Variants in SLAMF8 observed in about 807,000 individuals in gnomAD.
SLAMF8 encodes B lymphocyte activator macrophage expressed.
SLAMF8 carries 23 observed loss-of-function variants against 29.0 expected under a neutral mutation model. That is an observed-to-expected ratio of 0.79 (90% CI 0.57 to 1.13). The LOEUF is 1.13. SLAMF8 is among the 50% of genes most tolerant of loss of function. The pLI is 0.00. For missense variants in SLAMF8, 381 were observed against 353.1 expected (o/e 1.08, Z -0.63); for synonymous variants, 139 against 145.6 (o/e 0.96, Z 0.32).
At chr1:159,835,084 T>G in intron 4 of SLAMF8, 100 bp from the exon 5 acceptor site, 5 of 1,102,884 alleles carry the variant, frequency 4.5e-6, no homozygotes, top group Non-Finnish European at 5.3e-6. Context: ...TAAGGTGACC[T>G]TGGGCTAACA....
intron 1 of SLAMF8, 94 bp from the exon 2 acceptor site, chr1:159,829,772 G>A: frequency 2.1e-6 from 3 of 1,402,478 alleles, no homozygotes; most frequent in Admixed American, 4.6e-5. Context: ...TGTCAGTGGA[G>A]GGGCCCCAAT....
At position 159,833,054 on chromosome 1, in the gene SLAMF8, C is replaced by T. The variant is rs114760023; in HGVS notation, c.546C>T (p.Asp182=). Reference sequence around the variant, plus strand: ...TGGAACCACACAGCCTCTTCACAGACGGACAGGTGCTGAGCATTTCCCTGG... The same window carrying T: ...TGGAACCACACAGCCTCTTCACAGATGGACAGGTGCTGAGCATTTCCCTGG... The part of the protein sequence containing the change: ...FGMEPHSLFT[D]GQVLSISLGP... The change falls in exon 3 of 5, where the codon GAC becomes GAT. Residue 182 remains aspartate, a synonymous_variant. Transcript: ENST00000289707. 26 of 1,614,218 alleles carry T rather than the reference C, an allele frequency of 1.6e-5. No homozygotes were observed. Among genetic ancestry groups the T allele is most frequent in the Middle Eastern group, 1.6e-4 (1 of 6,062 alleles).
At chr1:159,828,739 A>G (rs538719512) in intron 1 of SLAMF8, among the ~76,000 whole-genome samples, 8 of 152,266 alleles carry the variant, frequency 5.3e-5, no homozygotes, top group Middle Eastern at 3.4e-3. Context: ...AGAACACAAG[A>G]GAGAATATGT....
chr1:159,832,876 A>T lies in SLAMF8; in HGVS notation c.368A>T (p.Asp123Val), dbSNP rs1351331529. ...TACCAGCTGTACTTTTCTTTCCCAGATGCAGTGCCCAGGCCCGTGGTACAA... is the reference window on the plus strand; with the variant it reads ...TACCAGCTGTACTTTTCTTTCCCAGTTGCAGTGCCCAGGCCCGTGGTACAA... The part of the protein sequence containing the change: ...WTQTLQLKVY[D>V]AVPRPVVQVF... The change falls in exon 3 of 5, where the codon GAT (aspartate) becomes GTT (valine). Residue 123 changes from aspartate to valine, a missense_variant and splice_region_variant. Transcript: ENST00000289707. The T allele has an allele frequency of 6.2e-7, 1 of 1,611,748 alleles. No individual in the cohort carries two copies. The highest frequency in any genetic ancestry group is 8.5e-7 in the Non-Finnish European group (1 of 1,178,000).
chr1:159,829,484 C>T (rs1466082125), intron 1 of SLAMF8, among the ~76,000 whole-genome samples: 1 of 152,212 alleles, frequency 6.6e-6, no homozygotes, highest in Non-Finnish European at 1.5e-5. Context: ...AGGCCGCCCT[C>T]GGCTTGGCCT....
intron 2 of SLAMF8, among the ~76,000 whole-genome samples, chr1:159,832,126 T>C (rs1048725009): frequency 6.6e-6 from 1 of 152,126 alleles, no homozygotes; most frequent in East Asian, 1.9e-4. Context: ...GACACCAGGA[T>C]ATCAGTTTGT....
Position 159,833,536 on chromosome 1 carries a change from C to T in SLAMF8, c.781+167C>T, listed in dbSNP as rs140878004. Among the ~76,000 whole-genome samples, 21 of 152,308 alleles carry T rather than the reference C, an allele frequency of 1.4e-4. No homozygotes were observed. In the South Asian group the frequency reaches 2.7e-3, roughly 20 times the overall value. ...TCATATCTTGGTTTACAACCAGACT[C>T]AACTACTTGAAGTCTCTTATGTGGT... On this transcript the variant is annotated intron_variant, in intron 4 of 4. Coordinates refer to ENST00000289707, the MANE Select transcript of SLAMF8 (RefSeq NM_020125.3).
At chr1:159,827,481 G>A (rs1663700603) in intron 1 of SLAMF8, among the ~76,000 whole-genome samples, 1 of 152,120 alleles carries the variant, frequency 6.6e-6, no homozygotes, top group South Asian at 2.1e-4. Flanking sequence ...GTGGCCGACG[G>A]TGGTGTGATG....
At chr1:159,830,346 A>T (rs1480475394) in intron 2 of SLAMF8, among the ~76,000 whole-genome samples, 154 bp downstream of exon 2, 1 of 152,184 alleles carries the variant, frequency 6.6e-6, no homozygotes, top group Non-Finnish European at 1.5e-5. Context: ...CCTGGCAGTC[A>T]CGTCTAAGAA....
chr1:159,833,124 C>G lies in SLAMF8; in HGVS notation c.616C>G (p.Pro206Ala), dbSNP rs926582049. Residue 206 changes from proline to alanine, a missense_variant, in exon 3 of 5, where the codon CCT (proline) becomes GCT (alanine). Coordinates refer to ENST00000289707, the MANE Select transcript of SLAMF8 (RefSeq NM_020125.3). Reference protein sequence around the residue: ...DVAYSCIVSNPVSWDLATVTP... With the variant: ...DVAYSCIVSNAVSWDLATVTP... ...GGCCTATTCCTGCATTGTCTCCAAC[C>G]CTGTCAGCTGGGACTTGGCCACAGT... 1 of 1,614,080 alleles carries G rather than the reference C, an allele frequency of 6.2e-7. No individual in the cohort carries two copies. Among genetic ancestry groups the G allele is most frequent in the South Asian group, 1.1e-5 (1 of 91,090 alleles).
Position 159,835,486 on chromosome 1 carries a change from C to G in SLAMF8, c.*226C>G, listed in dbSNP as rs1024949247. 3 of 1,320,402 alleles carry G rather than the reference C, an allele frequency of 2.3e-6. No individual in the cohort carries two copies. In the Admixed American group the frequency reaches 1.1e-4, roughly 49 times the overall value. The allele number at this position is 1,320,402 out of a possible 1,614,324, so 81.8% of individuals were successfully genotyped here. On this transcript the variant is annotated 3_prime_UTR_variant, in exon 5 of 5. Transcript: ENST00000289707. ...CCTCTCCCATCTTCTCATATCCTGG[C>G]TCTTCTCTGGGCAAGATGAGCCAAG...
rs562522381 is a variant in SLAMF8, at chr1:159,829,860, T to C, written c.41-6T>C. On this transcript the variant is annotated splice_region_variant and splice_polypyrimidine_tract_variant and intron_variant, in intron 1 of 4. Transcript: ENST00000289707. Reference sequence around the variant, plus strand: ...GGCAGAGTGACCAGGGGCTCTGTTCTTTCAGCCCTACTTCCCATTACAGTT... The same window carrying C: ...GGCAGAGTGACCAGGGGCTCTGTTCCTTCAGCCCTACTTCCCATTACAGTT... 2.5e-5 allele frequency: 40 copies of C among 1,595,828 alleles called. No homozygotes were observed. In the East Asian group the frequency reaches 8.1e-4, roughly 32 times the overall value.
intron 1 of SLAMF8, among the ~76,000 whole-genome samples, chr1:159,829,115 C>T (rs1647278803): frequency 6.6e-6 from 1 of 152,182 alleles, no homozygotes; most frequent in South Asian, 2.1e-4. Context: ...CCCGGTTGCT[C>T]CCTTCCTCAA....
chr1:159,836,834 C>T lies in SLAMF8; in HGVS notation c.*1574C>T. ...ATCAAATTCTCATCCCTTTCCCACA[C>T]CCACTTCTCTCCTATCACCTTCCCC... is the stretch of plus-strand genomic sequence containing the variant. On this transcript the variant is annotated 3_prime_UTR_variant, in exon 5 of 5. Transcript: ENST00000289707. 1.0e-6 allele frequency: 1 copy of T among 985,418 alleles called. No individual in the cohort carries two copies. The highest frequency in any genetic ancestry group is 1.2e-6 in the Non-Finnish European group (1 of 830,026). The allele number at this position is 985,418 out of a possible 1,614,324, so 61.0% of individuals were successfully genotyped here. A position where few individuals can be genotyped will look rare whatever the true frequency, so the allele number is the denominator to read the frequency against.
chr1:159,827,634 G>A (rs1391729268), intron 1 of SLAMF8, among the ~76,000 whole-genome samples: 1 of 152,138 alleles, frequency 6.6e-6, no homozygotes, highest in African/African-American at 2.4e-5. Flanking sequence ...TTTATGGGGT[G>A]CAGCAAAGAT....
chr1:159,837,278 C>A lies in SLAMF8; in HGVS notation c.*2018C>A, dbSNP rs1238973785. ...ACTTGTCAACTAGTGGACTAATTAA[C>A]CCTCCACCAAAAAAACACAAAGTGC... On this transcript the variant is annotated 3_prime_UTR_variant, in exon 5 of 5. Coordinates refer to ENST00000289707, the MANE Select transcript of SLAMF8 (RefSeq NM_020125.3). 1.7e-5 allele frequency: 17 copies of A among 985,324 alleles called. No individual in the cohort carries two copies. Among genetic ancestry groups the A allele is most frequent in the African/African-American group, 3.5e-5 (2 of 57,206 alleles). The allele number at this position is 985,324 out of a possible 1,614,324, so 61.0% of individuals were successfully genotyped here.
At position 159,836,895 on chromosome 1, in the gene SLAMF8, C is replaced by G. The variant is rs2101807250; in HGVS notation, c.*1635C>G. 1.0e-6 allele frequency: 1 copy of G among 985,552 alleles called. No homozygotes were observed. The highest frequency in any genetic ancestry group is 1.1e-4 in the East Asian group (1 of 8,820). The allele number at this position is 985,552 out of a possible 1,614,324, so 61.1% of individuals were successfully genotyped here. On this transcript the variant is annotated 3_prime_UTR_variant, in exon 5 of 5. Coordinates refer to ENST00000289707, the MANE Select transcript of SLAMF8 (RefSeq NM_020125.3). ...TGAACAGGGTCCATGGCCACTCAAC[C>G]TGTCAGCTTGCACCATCCCCACCTG...
intron 2 of SLAMF8, among the ~76,000 whole-genome samples, chr1:159,832,399 G>A (rs1647549842): frequency 6.6e-6 from 1 of 152,348 alleles, no homozygotes; most frequent in African/African-American, 2.4e-5. Flanking sequence ...CATATTGTGA[G>A]AGAAATACTA....
intron 4 of SLAMF8, among the ~76,000 whole-genome samples, chr1:159,834,165 A>T (rs1647721085): frequency 1.3e-5 from 2 of 152,214 alleles, no homozygotes; most frequent in Admixed American, 1.3e-4. Context: ...GGTCATTTCC[A>T]TGCCAGGCTG....
Sources: gnomAD v4.1 joint callset for allele counts (sites outside exome capture counted in the v4.1 genomes callset) on GRCh38, gnomAD v4.1.1 for gene constraint, MANE v1.5 for transcripts, NCBI Gene and HGNC (gene_info 2026-07-23, HGNC 2026-07-21) for gene names.